KIF6: variants seen among roughly 807,000 people sequenced by gnomAD.
KIF6 encodes the protein kinesin family member 6, also known as kinesin-like protein KIF6.
In KIF6, 106 loss-of-function variants were observed where a neutral mutation model predicts 112.7. The observed-to-expected ratio is 0.94, with a 90% CI of 0.80 to 1.11. The LOEUF is 1.11. Ranked by LOEUF, KIF6 falls within the 50% of genes least tolerant of loss-of-function variation. The pLI is 0.00. For synonymous variants in KIF6, 339 were observed against 339.9 expected, an observed-to-expected ratio of 1.00 and a Z score of 0.03; for missense variants, 929 against 964.0, an observed-to-expected ratio of 0.96 and a Z score of 0.48.
At position 39,429,844 on chromosome 6, in the gene KIF6, G is replaced by C. The variant is rs546514046; in HGVS notation, c.1754+1209C>G. On this transcript the variant is annotated intron_variant, in intron 14 of 22. Transcript: ENST00000287152. ...AATCGCTTGAACCCGGGAGGTGGAG[G>C]TTGCAGTGAGCCAAGATCACACCAC... Among the ~76,000 whole-genome samples the C allele has an allele frequency of 3.1e-3, 472 of 152,076 alleles. 2 individuals carry two copies. The highest frequency in any genetic ancestry group is 0.011 in the African/African-American group (456 of 41,464).
intron 3 of KIF6, among the ~76,000 whole-genome samples, chr6:39,658,388 A>C (rs1175183005): frequency 6.6e-6 from 1 of 152,212 alleles, no homozygotes; most frequent in East Asian, 1.9e-4. Context: ...TTCGGAAAAT[A>C]AAAACAAAAG....
chr6:39,563,898 C>T (rs34081723), intron 10 of KIF6, among the ~76,000 whole-genome samples: 37,647 of 152,120 alleles, frequency 0.25, 5,727 homozygotes, highest in African/African-American at 0.41. Context: ...CCAAAAATTG[C>T]ACCTCATTTT....
chr6:39,339,261 A>G (rs1262401828), intron 22 of KIF6, among the ~76,000 whole-genome samples: 1 of 152,138 alleles, frequency 6.6e-6, no homozygotes, highest in African/African-American at 2.4e-5. Flanking sequence ...TTGGGAGTTG[A>G]TAAGGGACTT....
Position 39,333,116 on chromosome 6 carries a change from A to G in KIF6, c.*3416T>C, listed in dbSNP as rs1762800257. Reference sequence around the variant, plus strand: ...TTAGTCATTTAAAGCAGGAGGGTAAATCAGGTCCTTGTTGCTTCATCATGG... The same window carrying G: ...TTAGTCATTTAAAGCAGGAGGGTAAGTCAGGTCCTTGTTGCTTCATCATGG... On this transcript the variant is annotated 3_prime_UTR_variant, in exon 23 of 23. Transcript: ENST00000287152. 6.6e-6 allele frequency: 1 copy of G among 152,218 alleles called. No homozygotes were observed. Among genetic ancestry groups the G allele is most frequent in the African/African-American group, 2.4e-5 (1 of 41,448 alleles). 9.4% of individuals were successfully genotyped at this position (152,218 alleles called of 1,614,324 possible).
intron 2 of KIF6, chr6:39,718,438 C>T (rs977329472): frequency 1.3e-5 from 2 of 151,746 alleles, no homozygotes; most frequent in African/African-American, 4.8e-5. Context: ...GGGAGAACGT[C>T]CTCTTCAGAA....
intron 15 of KIF6, among the ~76,000 whole-genome samples, chr6:39,419,518 C>A (rs1348853895): frequency 2.6e-5 from 4 of 152,152 alleles, no homozygotes; most frequent in Non-Finnish European, 5.9e-5. Flanking sequence ...ATCCTTCCAC[C>A]AGCTTATTGA....
chr6:39,465,634 T>C (rs910068396), intron 13 of KIF6, among the ~76,000 whole-genome samples: 1 of 152,214 alleles, frequency 6.6e-6, no homozygotes, highest in African/African-American at 2.4e-5. Flanking sequence ...AATCTGAAGC[T>C]TCTCTCTGAT....
chr6:39,373,099 G>A (rs1766153382), intron 16 of KIF6, among the ~76,000 whole-genome samples: 1 of 152,194 alleles, frequency 6.6e-6, no homozygotes, highest in Non-Finnish European at 1.5e-5. Flanking sequence ...ATACATTCTA[G>A]TCTAGCAGAT....
intron 15 of KIF6, 84 bp from the exon 16 acceptor site, chr6:39,385,756 G>GAAAAAAA: frequency 8.0e-6 from 4 of 501,268 alleles, no homozygotes; most frequent in South Asian, 2.5e-5. Flanking sequence ...GCAAGCTACA[G>GAAAAAAA]AAAAAAAAAA....
At chr6:39,403,888 C>A (rs553663057) in intron 15 of KIF6, among the ~76,000 whole-genome samples, 1 of 152,298 alleles carries the variant, frequency 6.6e-6, no homozygotes, top group Admixed American at 6.5e-5. Context: ...ATTCAAATTT[C>A]TCTAATGCTA....
At chr6:39,689,943 A>G (rs1456677022) in intron 3 of KIF6, 1 of 152,160 alleles carries the variant, frequency 6.6e-6, no homozygotes, top group African/African-American at 2.4e-5. Context: ...ACATTTCAGT[A>G]TATATTTGGT....
At position 39,343,778 on chromosome 6, in the gene KIF6, C is replaced by CGGTG. The variant is rs1562109674; in HGVS notation, c.2355_2358dup (p.Gly787HisfsTer45). On this transcript the variant is annotated frameshift_variant, in exon 22 of 23. Transcript: ENST00000287152. LOFTEE classifies it high-confidence loss of function. The surrounding 1 kb of genome is among the most constrained non-coding windows in gnomAD (Gnocchi z 4.1). ...ATGTCCGAGTCCGTCTGGCTGTCTCCGGTGAGAGGGATGGACGACACTGGC... is the reference window on the plus strand; with the variant it reads ...ATGTCCGAGTCCGTCTGGCTGTCTCCGGTGGGTGAGAGGGATGGACGACACTGGC... The CGGTG allele has an allele frequency of 6.2e-7, 1 of 1,612,636 alleles. No individual in the cohort carries two copies. Among genetic ancestry groups the CGGTG allele is most frequent in the Admixed American group, 1.7e-5 (1 of 59,684 alleles).
intron 13 of KIF6, among the ~76,000 whole-genome samples, chr6:39,534,225 G>A (rs1778266082): frequency 1.3e-5 from 2 of 152,186 alleles, no homozygotes; most frequent in South Asian, 4.1e-4. Context: ...TGACTTTGAC[G>A]AGTTGAGAGA....
At chr6:39,471,994 C>T (rs754133174) in intron 13 of KIF6, among the ~76,000 whole-genome samples, 11 of 152,290 alleles carry the variant, frequency 7.2e-5, no homozygotes, top group Non-Finnish European at 1.6e-4. Context: ...TCTAAGAGCA[C>T]CACGTCCTCA....
chr6:39,639,798 T>A, intron 3 of KIF6, 41 bp from the exon 4 acceptor site: 1 of 1,564,922 alleles, frequency 6.4e-7, no homozygotes. Context: ...TCAACATGGC[T>A]AACTGCATAT....
chr6:39,587,852 T>C, intron 7 of KIF6, among the ~76,000 whole-genome samples: 1 of 152,178 alleles, frequency 6.6e-6, no homozygotes, highest in East Asian at 1.9e-4. Flanking sequence ...ATCTGGACAA[T>C]TCCCATTCTG....
chr6:39,370,984 T>G (rs1026091731), intron 16 of KIF6, among the ~76,000 whole-genome samples: 13 of 151,996 alleles, frequency 8.6e-5, no homozygotes, highest in Admixed American at 2.6e-4. Context: ...GAGAGGGAGG[T>G]TAGGGGCATT....
At chr6:39,520,078 A>G (rs368015051) in intron 13 of KIF6, among the ~76,000 whole-genome samples, 4 of 152,146 alleles carry the variant, frequency 2.6e-5, no homozygotes, top group African/African-American at 9.7e-5. Context: ...TGCAGAGGTC[A>G]TGCATGCTAA....
At chr6:39,530,639 T>C (rs1777999129) in intron 13 of KIF6, among the ~76,000 whole-genome samples, 1 of 152,186 alleles carries the variant, frequency 6.6e-6, no homozygotes, top group Non-Finnish European at 1.5e-5. Context: ...TTTCATTTTC[T>C]AATCTGAAGG....
Sources: allele counts gnomAD v4.1 joint callset (sites outside exome capture counted in the v4.1 genomes callset), GRCh38; gene constraint gnomAD v4.1.1; non-coding constraint Gnocchi (gnomAD v3.1); transcripts MANE v1.5; gene names NCBI Gene and HGNC (gene_info 2026-07-23, HGNC 2026-07-21).